Variants in DNM2 observed in about 807,000 individuals in gnomAD.
DNM2 encodes the protein dynamin 2, also known as dynamin-2.
A neutral mutation model predicts 99.0 loss-of-function variants in DNM2; 15 were observed. The observed-to-expected ratio is 0.15, with a 90% CI of 0.10 to 0.23. The LOEUF (loss-of-function observed/expected upper bound fraction) is 0.23, where lower values mean the gene tolerates loss of function less well. DNM2 is among the 10% of genes least tolerant of loss of function. The pLI is 1.00. For missense variants in DNM2, 742 were observed against 1,189.4 expected, an observed-to-expected ratio of 0.62 and a Z score of 5.53; for synonymous variants, 525 against 481.2, an observed-to-expected ratio of 1.09 and a Z score of -1.19.
chr19:10,747,300 A>G (rs2070024056), intron 1 of DNM2, among the ~76,000 whole-genome samples: 1 of 152,098 alleles, frequency 6.6e-6, no homozygotes. Context: ...CTGAGGCACA[A>G]AGAGGTTACC....
Position 10,802,284 on chromosome 19 carries a change from C to T in DNM2, c.1423-4C>T, listed in dbSNP as rs552776205. 2.5e-5 allele frequency: 41 copies of T among 1,614,162 alleles called. No individual in the cohort carries two copies. The highest frequency in any genetic ancestry group is 1.2e-4 in the Admixed American group (7 of 60,028). On this transcript the variant is annotated splice_region_variant and splice_polypyrimidine_tract_variant and intron_variant, in intron 11 of 20. Transcript: ENST00000389253. ...TACTCACAGTGACCCCCGCTCTCCC[C>T]CAGATTCTTCTGCTGATCGACATTG...
chr19:10,801,270 C>T (rs2072130888), intron 11 of DNM2, among the ~76,000 whole-genome samples: 1 of 151,944 alleles, frequency 6.6e-6, no homozygotes, highest in South Asian at 2.1e-4. Flanking sequence ...TACGCCATTG[C>T]ACGCCAGCCT....
At chr19:10,824,800 C>T in intron 17 of DNM2, 1 of 527,650 alleles carries the variant, frequency 1.9e-6, no homozygotes, top group South Asian at 2.0e-5. Context: ...CATAGCAAGA[C>T]TGTGTCAAAA....
intron 6 of DNM2, among the ~76,000 whole-genome samples, chr19:10,784,031 C>G (rs769385742): frequency 2.2e-4 from 33 of 152,128 alleles, no homozygotes; most frequent in Non-Finnish European, 4.1e-4. Flanking sequence ...AATTGATTCA[C>G]ATGGTGCATA....
chr19:10,728,612 C>G (rs1007424206), intron 1 of DNM2, among the ~76,000 whole-genome samples: 7 of 152,156 alleles, frequency 4.6e-5, no homozygotes, highest in Non-Finnish European at 1.0e-4. Context: ...GGGCACCCAG[C>G]AGGGACTGGG....
At chr19:10,823,582 G>A (rs1224233072) in intron 16 of DNM2, 4 of 577,624 alleles carry the variant, frequency 6.9e-6, no homozygotes, top group African/African-American at 5.6e-5. Flanking sequence ...CAGAAACAAA[G>A]AAACTCAGAC....
intron 3 of DNM2, among the ~76,000 whole-genome samples, chr19:10,773,003 A>G (rs1049393097): frequency 7.9e-5 from 11 of 138,988 alleles, no homozygotes; most frequent in African/African-American, 2.9e-4. Context: ...TTTTTGAGAC[A>G]GAGTCTTGCT....
chr19:10,795,341 C>T lies in DNM2; in HGVS notation c.1129-31C>T. 1 of 1,613,856 alleles carries T rather than the reference C, an allele frequency of 6.2e-7. No individual in the cohort carries two copies. The highest frequency in any genetic ancestry group is 8.5e-7 in the Non-Finnish European group (1 of 1,179,826). ...TGCCACGGGGGCGCCCCGGGTGCCT[C>T]CATGCATGTGCTTGGTTTGTCTCTT... On this transcript the variant is annotated intron_variant, in intron 8 of 20. Coordinates refer to ENST00000389253, the MANE Select transcript of DNM2 (RefSeq NM_001005361.3). This position sits in a 1 kb window ranked among gnomAD's most constrained non-coding sequence, Gnocchi z 4.2.
Position 10,816,311 on chromosome 19 carries a change from C to A in DNM2, c.1672-3669C>A, listed in dbSNP as rs2072738924. Among the ~76,000 whole-genome samples, 1 of 152,132 alleles carries A rather than the reference C, an allele frequency of 6.6e-6. No individual in the cohort carries two copies. Among genetic ancestry groups the A allele is most frequent in the Non-Finnish European group, 1.5e-5 (1 of 68,010 alleles). ...CCAGACGCTCATCTCTGGAATGTTC[C>A]TGAAACCTCAGGAGCCCTGAGGCTT... On this transcript the variant is annotated intron_variant, in intron 15 of 20. Transcript: ENST00000389253. The surrounding 1 kb of genome is among the most constrained non-coding windows in gnomAD (Gnocchi z 4.6).
chr19:10,790,785 T>C (rs2071727832), intron 7 of DNM2, among the ~76,000 whole-genome samples: 1 of 152,140 alleles, frequency 6.6e-6, no homozygotes. Flanking sequence ...ATTTGTTTTT[T>C]AAACGGGGTC....
At chr19:10,724,153 A>G (rs950856350) in intron 1 of DNM2, among the ~76,000 whole-genome samples, 4 of 151,580 alleles carry the variant, frequency 2.6e-5, no homozygotes, top group Non-Finnish European at 5.9e-5. Flanking sequence ...GAGAGATCAC[A>G]GTTGGAGGGG....
In DNM2 at chr19:10,798,472, G is replaced by C. The variant is rs145842639; in HGVS notation, c.1336-14G>C. 2.5e-6 allele frequency: 4 copies of C among 1,613,950 alleles called. No individual in the cohort carries two copies. The highest frequency in any genetic ancestry group is 3.4e-6 in the Non-Finnish European group (4 of 1,179,976). ...AGGACCCCGCCAATGCGACCACTCT[G>C]CTTGTTCCCCCAGCTCAGTTCCTAC... On this transcript the variant is annotated splice_polypyrimidine_tract_variant and intron_variant, in intron 10 of 20. Coordinates refer to ENST00000389253, the MANE Select transcript of DNM2 (RefSeq NM_001005361.3).
chr19:10,812,133 T>A lies in DNM2; in HGVS notation c.1558-131T>A, dbSNP rs1231197030. 1 of 743,736 alleles carries A rather than the reference T, an allele frequency of 1.3e-6. No individual in the cohort carries two copies. The highest frequency in any genetic ancestry group is 3.2e-5 in the East Asian group (1 of 31,038). The allele number at this position is 743,736 out of a possible 1,614,324, so 46.1% of individuals were successfully genotyped here. ...TGGGACAGGGTGGAACTGGGTTTCC[T>A]GGGCTTTGGGGCTGGAGGTGTCTCT... On this transcript the variant is annotated intron_variant, in intron 14 of 20. Transcript: ENST00000389253. The surrounding 1 kb of genome is among the most constrained non-coding windows in gnomAD (Gnocchi z 4.0).
intron 1 of DNM2, among the ~76,000 whole-genome samples, chr19:10,731,170 CCAGGGCGGAT>C (rs1179783811): frequency 6.6e-6 from 1 of 152,056 alleles, no homozygotes; most frequent in Admixed American, 6.5e-5. Context: ...GGGAAAGCCC[CCAGGGCGGAT>C]CAGGGAGGGA....
intron 5 of DNM2, among the ~76,000 whole-genome samples, chr19:10,777,852 C>T (rs2071205878): frequency 6.6e-6 from 1 of 152,096 alleles, no homozygotes; most frequent in African/African-American, 2.4e-5. Context: ...GCCTTGGCCT[C>T]CCAAAGTGCT....
rs368131004 is a variant in DNM2 at position 10,825,179 on chromosome 19, C to G, written c.2016C>G (p.Arg672=). 1 of 1,614,194 alleles carries G rather than the reference C, an allele frequency of 6.2e-7. No individual in the cohort carries two copies. Among genetic ancestry groups the G allele is most frequent in the East Asian group, 2.2e-5 (1 of 44,876 alleles). The change falls in exon 18 of 21, where the codon CGC becomes CGG. Residue 672 remains arginine, a synonymous_variant. Coordinates refer to ENST00000389253, the MANE Select transcript of DNM2 (RefSeq NM_001005361.3). ...TGGCCATCATCAACAAGTCCATCCG[C>G]GACCTCATGCCAAAGACCATCATGC... ...SYVAIINKSI[R]DLMPKTIMHL...
rs1455503833 is a variant in DNM2 at position 10,786,358 on chromosome 19, A to C, written c.850-206A>C. The C allele has an allele frequency of 6.2e-6, 5 of 805,052 alleles. No individual in the cohort carries two copies. In the African/African-American group the frequency reaches 6.8e-5, roughly 11 times the overall value. The allele number at this position is 805,052 out of a possible 1,614,324, so 49.9% of individuals were successfully genotyped here. A position where few individuals can be genotyped will look rare whatever the true frequency, so the allele number is the denominator to read the frequency against. ...CCGTGGGCTGTTTGTAGCCTCTTAC[A>C]CTCATGGGCAGCTCCGTGCCGTCTC... On this transcript the variant is annotated intron_variant, in intron 6 of 20. Transcript: ENST00000389253.
intron 1 of DNM2, among the ~76,000 whole-genome samples, chr19:10,740,404 C>T (rs2069700991): frequency 6.7e-6 from 1 of 149,538 alleles, no homozygotes; most frequent in Non-Finnish European, 1.5e-5. Flanking sequence ...GAGACGGAGT[C>T]TCGCTCTGTC....
At chr19:10,810,513 A>G (rs1183353094) in intron 14 of DNM2, 2 of 152,656 alleles carry the variant, frequency 1.3e-5, no homozygotes, top group African/African-American at 4.8e-5. Flanking sequence ...TTGGTGTGCC[A>G]TCCCCAGCAT....
Sources: allele counts gnomAD v4.1 joint callset (sites outside exome capture counted in the v4.1 genomes callset), GRCh38; gene constraint gnomAD v4.1.1; non-coding constraint Gnocchi (gnomAD v3.1); transcripts MANE v1.5; gene names NCBI Gene and HGNC (gene_info 2026-07-23, HGNC 2026-07-21).